FOXQ1: variants seen among roughly 807,000 people sequenced by gnomAD.
FOXQ1 encodes the protein forkhead box Q1, also known as forkhead box protein Q1.
Under a neutral mutation model 0.6 loss-of-function variants are expected in FOXQ1, and 1 was observed. The ratio of observed to expected loss-of-function variants is 1.73; its 90% CI spans 0.61 to 8.20. The LOEUF (loss-of-function observed/expected upper bound fraction) is 8.20, where lower values mean the gene tolerates loss of function less well. Among genes scored for constraint, FOXQ1 ranks in the 30% most tolerant of loss-of-function variants. The pLI is 0.13. For missense variants in FOXQ1, 734 were observed against 595.6 expected, an observed-to-expected ratio of 1.23 and a Z score of -2.42; for synonymous variants, 377 against 294.4, an observed-to-expected ratio of 1.28 and a Z score of -2.87.
chr6:1,313,981 G>A lies in FOXQ1; in HGVS notation c.*65G>A. On this transcript the variant is annotated 3_prime_UTR_variant, in exon 1 of 1. Coordinates refer to ENST00000296839, the MANE Select transcript of FOXQ1 (RefSeq NM_033260.4). This position sits in a 1 kb window ranked among gnomAD's most constrained non-coding sequence, Gnocchi z 5.2. ...CGGGGAGGCGGGAACGCGGGCCCGC[G>A]CGCGGACTTTGCACTTTGAATCCAG... The A allele has an allele frequency of 8.3e-7, 1 of 1,211,862 alleles. No homozygotes were observed. The highest frequency in any genetic ancestry group is 4.0e-5 in the South Asian group (1 of 24,692). The allele number at this position is 1,211,862 out of a possible 1,614,324, so 75.1% of individuals were successfully genotyped here. A position where few individuals can be genotyped will look rare whatever the true frequency, so the allele number is the denominator to read the frequency against.
In FOXQ1 at chr6:1,312,563, C is replaced by T. The variant is rs757022290; in HGVS notation, c.-142C>T. On this transcript the variant is annotated 5_prime_UTR_variant, in exon 1 of 1. Transcript: ENST00000296839. ...AAGAGGACTCCGGAAAAGTGACTAT[C>T]TCGGAAGACCAGGGTAGAGCTCCCG... 2 of 1,207,078 alleles carry T rather than the reference C, an allele frequency of 1.7e-6. No homozygotes were observed. Among genetic ancestry groups the T allele is most frequent in the South Asian group, 3.8e-5 (1 of 26,376 alleles). The allele number at this position is 1,207,078 out of a possible 1,614,324, so 74.8% of individuals were successfully genotyped here.
chr6:1,314,124 C>G lies in FOXQ1; in HGVS notation c.*208C>G. 4.3e-6 allele frequency: 3 copies of G among 694,618 alleles called. No individual in the cohort carries two copies. Among genetic ancestry groups the G allele is most frequent in the Non-Finnish European group, 6.0e-6 (3 of 497,788 alleles). 43.0% of individuals were successfully genotyped at this position (694,618 alleles called of 1,614,324 possible). A position where few individuals can be genotyped will look rare whatever the true frequency, so the allele number is the denominator to read the frequency against. ...TTGTGTTTTATAACTTTACAGAGGA[C>G]CAAAGCAATTCTTGTTTTAGTTTCT... On this transcript the variant is annotated 3_prime_UTR_variant, in exon 1 of 1. Coordinates refer to ENST00000296839, the MANE Select transcript of FOXQ1 (RefSeq NM_033260.4).
In FOXQ1 at chr6:1,312,872, C is replaced by T. The variant is rs758156468; in HGVS notation, c.168C>T (p.Gly56=). ...CAANSPAAGG[G]ARDTQGDGEQ... is the part of the protein sequence containing the mutation. ...CCAACAGCCCGGCCGCGGGCGGCGG[C>T]GCCAGAGATACGCAGGGCGACGGCG... is the stretch of plus-strand genomic sequence containing the variant. The change falls in exon 1 of 1, where the codon GGC becomes GGT. Residue 56 remains glycine (G), a synonymous_variant. Transcript: ENST00000296839. 3 of 1,276,612 alleles carry T rather than the reference C, an allele frequency of 2.3e-6. No homozygotes were observed. Among genetic ancestry groups the T allele is most frequent in the Non-Finnish European group, 3.0e-6 (3 of 1,014,506 alleles). The allele number at this position is 1,276,612 out of a possible 1,614,324, so 79.1% of individuals were successfully genotyped here. A position where few individuals can be genotyped will look rare whatever the true frequency, so the allele number is the denominator to read the frequency against.
At position 1,313,338 on chromosome 6, in the gene FOXQ1, C is replaced by G; in HGVS notation, c.634C>G (p.Arg212Gly). The change falls in exon 1 of 1, where the codon CGC (arginine) becomes GGC (glycine). Residue 212 changes from arginine (R) to glycine (G), a missense_variant. Transcript: ENST00000296839. This position sits in a 1 kb window ranked among gnomAD's most constrained non-coding sequence, Gnocchi z 5.2. ...YTFADGVFRR[R>G]RKRLSHRAPV... ...CTTCGCCGACGGGGTCTTCCGCCGC[C>G]GCCGCAAGCGCCTCAGCCACCGCGC... The G allele has an allele frequency of 6.4e-7, 1 of 1,566,460 alleles. No individual in the cohort carries two copies. The highest frequency in any genetic ancestry group is 8.6e-7 in the Non-Finnish European group (1 of 1,158,258).
In FOXQ1 at chr6:1,314,525, G is replaced by T. The variant is rs1424443490; in HGVS notation, c.*609G>T. 6.0e-6 allele frequency: 1 copy of T among 166,836 alleles called. No homozygotes were observed. The highest frequency in any genetic ancestry group is 2.1e-4 in the South Asian group (1 of 4,802). The allele number at this position is 166,836 out of a possible 1,614,324, so 10.3% of individuals were successfully genotyped here. ...CGAATTGAAAATGTTGCAGGCAACG[G>T]GCTACAGCTTTATTAGTGGTTCTCT... On this transcript the variant is annotated 3_prime_UTR_variant, in exon 1 of 1. Transcript: ENST00000296839.
In FOXQ1 at chr6:1,312,679, G is replaced by A; in HGVS notation, c.-26G>A. On this transcript the variant is annotated 5_prime_UTR_variant, in exon 1 of 1. Transcript: ENST00000296839. ...GCTGCGCGAAGGAAGAGGGTACGAC[G>A]CCGGGGAGGGACTGGGTGCGCGGGC... The A allele has an allele frequency of 7.6e-7, 1 of 1,307,198 alleles. No homozygotes were observed. The highest frequency in any genetic ancestry group is 9.7e-7 in the Non-Finnish European group (1 of 1,031,330). The allele number at this position is 1,307,198 out of a possible 1,614,324, so 81.0% of individuals were successfully genotyped here.
At position 1,313,643 on chromosome 6, in the gene FOXQ1, CG is replaced by C; in HGVS notation, c.940del (p.Ala314ArgfsTer89). ...PLPAFPALLPAAPCRALLPLC... is the reference protein window; with the variant it reads ...PLPAFPALLPXAPCRALLPLC... ...TGCCCGCGTTCCCCGCGCTCCTCCC[CG>C]CGGCGCCCTGCAGGGCCCTGCTGCC... On this transcript the variant is annotated frameshift_variant, in exon 1 of 1. Transcript: ENST00000296839. LOFTEE classifies it low-confidence loss of function (END_TRUNC). The surrounding 1 kb of genome is among the most constrained non-coding windows in gnomAD (Gnocchi z 5.2). 1 of 1,079,810 alleles carries C rather than the reference CG, an allele frequency of 9.3e-7. No individual in the cohort carries two copies. The allele number at this position is 1,079,810 out of a possible 1,614,324, so 66.9% of individuals were successfully genotyped here. A position where few individuals can be genotyped will look rare whatever the true frequency, so the allele number is the denominator to read the frequency against.
rs1053672839 is a variant in FOXQ1 at position 1,313,759 on chromosome 6, C to T, written c.1055C>T (p.Pro352Leu). The T allele has an allele frequency of 1.1e-5, 13 of 1,223,166 alleles. 1 individual carries two copies. The Admixed American group carries it at 1.7e-4, about 16-fold the overall frequency. The allele number at this position is 1,223,166 out of a possible 1,614,324, so 75.8% of individuals were successfully genotyped here. The change falls in exon 1 of 1, where the codon CCT (proline) becomes CTT (leucine). Residue 352 changes from proline (P) to leucine (L), a missense_variant. Pro to Leu is a moderately conservative substitution (Grantham distance 98). Coordinates refer to ENST00000296839, the MANE Select transcript of FOXQ1 (RefSeq NM_033260.4). The surrounding 1 kb of genome is among the most constrained non-coding windows in gnomAD (Gnocchi z 5.2). ...ACCGCGCCGCCCCTCCTGCTTGCACCTCTCCCGGCGGCGGCCCCCGCCAAG... is the reference window on the plus strand; with the variant it reads ...ACCGCGCCGCCCCTCCTGCTTGCACTTCTCCCGGCGGCGGCCCCCGCCAAG... ...PPTAPPLLLA[P>L]LPAAAPAKPL...
rs1757616115 is a variant in FOXQ1, at chr6:1,314,755, G to A, written c.*839G>A. The A allele has an allele frequency of 6.1e-6, 1 of 163,710 alleles. No homozygotes were observed. The highest frequency in any genetic ancestry group is 2.2e-4 in the South Asian group (1 of 4,638). 10.1% of individuals were successfully genotyped at this position (163,710 alleles called of 1,614,324 possible). ...AATAAAACAACTGACTTAACACATT[G>A]TGATGATGGGTTGGAAGTGGAGAGA... is the stretch of plus-strand genomic sequence containing the variant. On this transcript the variant is annotated 3_prime_UTR_variant, in exon 1 of 1. Transcript: ENST00000296839.
In FOXQ1 at chr6:1,313,864, T is replaced by A; in HGVS notation, c.1160T>A (p.Val387Asp). ...CCCGCAGCCCTGCAGGCGGCCTCAG[T>A]CCGCCGCCCTGGCCCGCACCTGCCG... ...RLPAALQAAS[V>D]RRPGPHLPYP... Residue 387 changes from valine (V) to aspartate (D), a missense_variant, in exon 1 of 1, where the codon GTC (valine) becomes GAC (aspartate). Transcript: ENST00000296839. This position sits in a 1 kb window ranked among gnomAD's most constrained non-coding sequence, Gnocchi z 5.2. The A allele has an allele frequency of 7.6e-7, 1 of 1,310,410 alleles. No individual in the cohort carries two copies. 81.2% of individuals were successfully genotyped at this position (1,310,410 alleles called of 1,614,324 possible).
chr6:1,313,083 C>G lies in FOXQ1; in HGVS notation c.379C>G (p.Leu127Val), dbSNP rs1386350251. 1 of 1,605,686 alleles carries G rather than the reference C, an allele frequency of 6.2e-7. No homozygotes were observed. The highest frequency in any genetic ancestry group is 8.5e-7 in the Non-Finnish European group (1 of 1,176,412). Reference protein sequence around the residue: ...RPKPPYSYIALIAMAIRDSAG... With the variant: ...RPKPPYSYIAVIAMAIRDSAG... ...CAAGCCCCCCTACTCGTACATCGCG[C>G]TCATCGCCATGGCCATCCGCGACTC... is the stretch of plus-strand genomic sequence containing the variant. The change falls in exon 1 of 1, where the codon CTC (leucine) becomes GTC (valine). Residue 127 changes from leucine (L) to valine (V), a missense_variant. Coordinates refer to ENST00000296839, the MANE Select transcript of FOXQ1 (RefSeq NM_033260.4). This position sits in a 1 kb window ranked among gnomAD's most constrained non-coding sequence, Gnocchi z 5.2.
Position 1,312,940 on chromosome 6 carries a change from C to T in FOXQ1, c.236C>T (p.Pro79Leu). Residue 79 changes from proline to leucine, a missense_variant, in exon 1 of 1, where the codon CCG becomes CTG. By Grantham distance (98) the Pro-to-Leu change is moderately conservative. Transcript: ENST00000296839. Reference protein sequence around the residue: ...GGGPGAEEAIPAAAAAAVVAE... With the variant: ...GGGPGAEEAILAAAAAAVVAE... ...GGGCCGGGCGCGGAGGAGGCGATCC[C>T]GGCAGCAGCTGCTGCAGCGGTGGTG... The T allele has an allele frequency of 3.1e-6, 4 of 1,278,188 alleles. No homozygotes were observed. Among genetic ancestry groups the T allele is most frequent in the Non-Finnish European group, 3.9e-6 (4 of 1,015,804 alleles). The allele number at this position is 1,278,188 out of a possible 1,614,324, so 79.2% of individuals were successfully genotyped here. A position where few individuals can be genotyped will look rare whatever the true frequency, so the allele number is the denominator to read the frequency against.
In FOXQ1 at chr6:1,312,192, C is replaced by T. The variant is rs1274822028; in HGVS notation, c.-513C>T. ...GCGCAGCGGCCTCGGGGACTCGCCT[C>T]CGCGGGTGCTCAAGGCTGAAGGCGC... is the stretch of plus-strand genomic sequence containing the variant. On this transcript the variant is annotated 5_prime_UTR_variant, in exon 1 of 1. Coordinates refer to ENST00000296839, the MANE Select transcript of FOXQ1 (RefSeq NM_033260.4). Among the ~76,000 whole-genome samples the T allele has an allele frequency of 6.6e-6, 1 of 152,206 alleles. No homozygotes were observed. The highest frequency in any genetic ancestry group is 1.5e-5 in the Non-Finnish European group (1 of 68,032).
At position 1,314,570 on chromosome 6, in the gene FOXQ1, C is replaced by G. The variant is rs1258577492; in HGVS notation, c.*654C>G. On this transcript the variant is annotated 3_prime_UTR_variant, in exon 1 of 1. Coordinates refer to ENST00000296839, the MANE Select transcript of FOXQ1 (RefSeq NM_033260.4). The stretch of plus-strand genomic sequence containing the variant: ...TTCTCTAACTGTGGTCTCCTTGGGC[C>G]AAGCAATTTCTTTAAAGGAAAAGTT... The G allele has an allele frequency of 1.2e-5, 2 of 166,926 alleles. No individual in the cohort carries two copies. Among genetic ancestry groups the G allele is most frequent in the Admixed American group, 6.5e-5 (1 of 15,280 alleles). The allele number at this position is 166,926 out of a possible 1,614,324, so 10.3% of individuals were successfully genotyped here. A position where few individuals can be genotyped will look rare whatever the true frequency, so the allele number is the denominator to read the frequency against.
In FOXQ1 at chr6:1,314,002, T is replaced by C; in HGVS notation, c.*86T>C. On this transcript the variant is annotated 3_prime_UTR_variant, in exon 1 of 1. Transcript: ENST00000296839. ...CCGCGCGCGGACTTTGCACTTTGAA[T>C]CCAGAGGAAGATGAATTTTTAAAAT... 1 of 1,206,126 alleles carries C rather than the reference T, an allele frequency of 8.3e-7. No individual in the cohort carries two copies. The highest frequency in any genetic ancestry group is 1.0e-6 in the Non-Finnish European group (1 of 967,352). The allele number at this position is 1,206,126 out of a possible 1,614,324, so 74.7% of individuals were successfully genotyped here.
Position 1,313,387 on chromosome 6 carries a change from G to A in FOXQ1, c.683G>A (p.Arg228Gln). Residue 228 changes from arginine (R) to glutamine (Q), a missense_variant, in exon 1 of 1, where the codon CGG (arginine) becomes CAG (glutamine). By Grantham distance (43) the Arg-to-Gln change is conservative. Transcript: ENST00000296839. This position sits in a 1 kb window ranked among gnomAD's most constrained non-coding sequence, Gnocchi z 5.2. ...GCGCCGGTCCCCGCGCCCGGGCTGCGGCCCGAGGAGGCCCCGGGCCTCCCC... is the reference window on the plus strand; with the variant it reads ...GCGCCGGTCCCCGCGCCCGGGCTGCAGCCCGAGGAGGCCCCGGGCCTCCCC... ...HRAPVPAPGL[R>Q]PEEAPGLPAA... 2 of 1,300,184 alleles carry A rather than the reference G, an allele frequency of 1.5e-6. No homozygotes were observed. The highest frequency in any genetic ancestry group is 3.7e-5 in the South Asian group (2 of 54,264). The allele number at this position is 1,300,184 out of a possible 1,614,324, so 80.5% of individuals were successfully genotyped here. A position where few individuals can be genotyped will look rare whatever the true frequency, so the allele number is the denominator to read the frequency against.
Position 1,313,155 on chromosome 6 carries a change from G to C in FOXQ1, c.451G>C (p.Gly151Arg). The change falls in exon 1 of 1, where the codon GGC (glycine) becomes CGC (arginine). Residue 151 changes from glycine (G) to arginine (R), a missense_variant. Gly to Arg is a moderately radical substitution (Grantham distance 125, BLOSUM62 -2). Transcript: ENST00000296839. This position sits in a 1 kb window ranked among gnomAD's most constrained non-coding sequence, Gnocchi z 5.2. The stretch of plus-strand genomic sequence containing the variant: ...GGCGGAGATCAACGAGTACCTCATG[G>C]GCAAGTTCCCCTTTTTCCGCGGCAG... ...TLAEINEYLM[G>R]KFPFFRGSYT... 6.2e-7 allele frequency: 1 copy of C among 1,610,554 alleles called. No individual in the cohort carries two copies. Among genetic ancestry groups the C allele is most frequent in the Non-Finnish European group, 8.5e-7 (1 of 1,178,958 alleles).
rs765973834 is a variant in FOXQ1, at chr6:1,312,998, AGGCGCGGGC to A, written c.303_311del (p.Gly102_Gly104del). 696 of 1,346,962 alleles carry A rather than the reference AGGCGCGGGC, an allele frequency of 5.2e-4. 5 individuals carry two copies. In the African/African-American group the frequency reaches 8.2e-3, roughly 16 times the overall value. The allele number at this position is 1,346,962 out of a possible 1,614,324, so 83.4% of individuals were successfully genotyped here. On this transcript the variant is annotated inframe_deletion, in exon 1 of 1. Transcript: ENST00000296839. ...GCGCGGAGGCCGGGGCGGCGGGGCC[AGGCGCGGGC>A]GGCGCGGGGAGCGGCGAGGGTGCAC...
Position 1,313,914 on chromosome 6 carries a change from T to C in FOXQ1, c.1210T>C (p.Ter404ArgextTer28), listed in dbSNP as rs1490355540. The C allele has an allele frequency of 3.0e-5, 37 of 1,237,262 alleles. No homozygotes were observed. Among genetic ancestry groups the C allele is most frequent in the Non-Finnish European group, 3.6e-5 (36 of 990,314 alleles). 76.6% of individuals were successfully genotyped at this position (1,237,262 alleles called of 1,614,324 possible). The stretch of plus-strand genomic sequence containing the variant: ...GTACCCGGTGGAGACGCTCCTAGCC[T>C]GAGTAGCGCCGCGGGGCCCGGGAAC... ...LPYPVETLLA[*>R] The change falls in exon 1 of 1, where the codon TGA becomes CGA. Residue 404 changes from the stop codon to arginine, a stop_lost. Transcript: ENST00000296839. The surrounding 1 kb of genome is among the most constrained non-coding windows in gnomAD (Gnocchi z 5.2).
Sources: allele counts gnomAD v4.1 joint callset (sites outside exome capture counted in the v4.1 genomes callset), GRCh38; gene constraint gnomAD v4.1.1; non-coding constraint Gnocchi (gnomAD v3.1); transcripts MANE v1.5; gene names NCBI Gene and HGNC (gene_info 2026-07-23, HGNC 2026-07-21).